PRKACB: variants seen among roughly 807,000 people sequenced by gnomAD.
The protein encoded by PRKACB is protein kinase cAMP-activated catalytic subunit beta, also known as cAMP-dependent protein kinase catalytic subunit beta.
Under a neutral mutation model 51.4 loss-of-function variants are expected in PRKACB, and 16 were observed. The ratio of observed to expected loss-of-function variants is 0.31; its 90% confidence interval spans 0.21 to 0.47. The LOEUF (loss-of-function observed/expected upper bound fraction) is 0.47, where lower values mean the gene tolerates loss of function less well. PRKACB is among the 20% of genes least tolerant of loss of function. PRKACB has a pLI of 1.00. For synonymous variants in PRKACB, 147 were observed against 154.4 expected, an observed-to-expected ratio of 0.95 and a Z score of 0.35; for missense variants, 309 against 464.5, an observed-to-expected ratio of 0.67 and a Z score of 3.08.
chr1:84,141,324 G>C (rs958387478), upstream of PRKACB, among the ~76,000 whole-genome samples: 1 of 151,992 alleles, frequency 6.6e-6, no homozygotes, highest in African/African-American at 2.4e-5. Flanking sequence ...AGTTATGAAG[G>C]AATTCATAGT....
intron 1 of PRKACB, among the ~76,000 whole-genome samples, chr1:84,160,339 G>A (rs1056414162): frequency 1.3e-5 from 2 of 151,536 alleles, no homozygotes; most frequent in Non-Finnish European, 2.9e-5. Context: ...TTGGGATAAG[G>A]TTGTTTATAG....
chr1:84,138,516 T>G (rs1195348866), intron 1 of PRKACB, among the ~76,000 whole-genome samples: 1 of 152,184 alleles, frequency 6.6e-6, no homozygotes, highest in Non-Finnish European at 1.5e-5. Context: ...AGACATTGTA[T>G]TAGTATTTGT....
At chr1:84,213,039 T>C (rs1672360930) in intron 8 of PRKACB, among the ~76,000 whole-genome samples, 1 of 152,132 alleles carries the variant, frequency 6.6e-6, no homozygotes, top group African/African-American at 2.4e-5. Context: ...GTAGCACTTG[T>C]AGAGAAACAA....
intron 9 of PRKACB, among the ~76,000 whole-genome samples, chr1:84,231,555 C>T (rs1310770048): frequency 6.6e-6 from 1 of 152,142 alleles, no homozygotes; most frequent in African/African-American, 2.4e-5. Flanking sequence ...TGGTCCTGGA[C>T]TCTTTTTGGT....
At chr1:84,212,829 T>G in intron 8 of PRKACB, among the ~76,000 whole-genome samples, 1 of 152,264 alleles carries the variant, frequency 6.6e-6, no homozygotes, top group Middle Eastern at 3.4e-3. Flanking sequence ...ATGGATGAAC[T>G]ACAGTATTTG....
intron 1 of PRKACB, among the ~76,000 whole-genome samples, chr1:84,097,102 A>G (rs1211898315): frequency 6.6e-6 from 1 of 152,058 alleles, no homozygotes; most frequent in East Asian, 1.9e-4. Context: ...ATAGTGTTCC[A>G]TGGTGTGAAT....
intron 1 of PRKACB, among the ~76,000 whole-genome samples, chr1:84,097,689 A>G (rs1649030980): frequency 6.6e-6 from 1 of 152,038 alleles, no homozygotes; most frequent in South Asian, 2.1e-4. Context: ...GGGGAGAGAA[A>G]ATGGTTTAAG....
At chr1:84,231,835 C>A (rs559990848) in intron 9 of PRKACB, among the ~76,000 whole-genome samples, 3 of 151,958 alleles carry the variant, frequency 2.0e-5, no homozygotes, top group African/African-American at 4.8e-5. Context: ...GTCTTGCTAG[C>A]AGTCTATCAA....
At chr1:84,151,936 C>T (rs547064752) in intron 1 of PRKACB, among the ~76,000 whole-genome samples, 7 of 152,282 alleles carry the variant, frequency 4.6e-5, no homozygotes, top group African/African-American at 1.2e-4. Context: ...AATGTTCTTA[C>T]GGCATCTGGA....
chr1:84,182,491 C>T (rs1324035384), intron 3 of PRKACB, among the ~76,000 whole-genome samples, 163 bp downstream of exon 3: 4 of 151,730 alleles, frequency 2.6e-5, no homozygotes, highest in Non-Finnish European at 5.9e-5. Context: ...CTATATTATA[C>T]ATAGTTAGTA....
At chr1:84,202,897 C>A in intron 8 of PRKACB, 92 bp downstream of exon 8, 4 of 1,112,140 alleles carry the variant, frequency 3.6e-6, no homozygotes, top group South Asian at 2.5e-5. Context: ...AATTATTATT[C>A]TACATTGGGA....
chr1:84,147,030 G>A (rs1654192127), intron 1 of PRKACB, among the ~76,000 whole-genome samples: 1 of 151,954 alleles, frequency 6.6e-6, no homozygotes, highest in South Asian at 2.1e-4. Context: ...TCTCTTTCTA[G>A]CAAATTTATT....
chr1:84,092,686 T>A (rs1648577281), intron 1 of PRKACB, among the ~76,000 whole-genome samples: 1 of 152,166 alleles, frequency 6.6e-6, no homozygotes, highest in Non-Finnish European at 1.5e-5. Flanking sequence ...TTCAGATTGG[T>A]TGAACCTGTT....
intron 9 of PRKACB, among the ~76,000 whole-genome samples, chr1:84,229,698 T>C (rs1310268802): frequency 2.0e-5 from 3 of 150,512 alleles, no homozygotes; most frequent in Non-Finnish European, 3.0e-5. Context: ...GTGAGCATTT[T>C]TTCATGTGTT....
chr1:84,113,373 A>C (rs1650386183), intron 1 of PRKACB, among the ~76,000 whole-genome samples: 1 of 152,190 alleles, frequency 6.6e-6, no homozygotes, highest in African/African-American at 2.4e-5. Context: ...AAAAAAAGAC[A>C]TACTGGTGAG....
intron 1 of PRKACB, among the ~76,000 whole-genome samples, chr1:84,178,285 GAAC>G (rs1662036848): frequency 6.6e-6 from 1 of 151,836 alleles, no homozygotes; most frequent in South Asian, 2.1e-4. Context: ...CTAAAGATAT[GAAC>G]AACAATACAT....
chr1:84,127,125 C>T lies in PRKACB; in HGVS notation c.46+48754C>T, dbSNP rs371995710. Among the ~76,000 whole-genome samples the T allele has an allele frequency of 2.4e-4, 36 of 152,254 alleles. No individual in the cohort carries two copies. In the South Asian group the frequency reaches 6.6e-3, roughly 28 times the overall value. On this transcript the variant is annotated intron_variant, in intron 1 of 8. Coordinates refer to the PRKACB transcript ENST00000370688. ...TCTGTAAGTTCCTCTTTTCTTTGTA[C>T]TTCAGGTCTTGACAGCTGTGTATGT...
At chr1:84,120,601 A>G (rs554707562) in intron 1 of PRKACB, among the ~76,000 whole-genome samples, 16 of 152,234 alleles carry the variant, frequency 1.1e-4, no homozygotes, top group Non-Finnish European at 2.1e-4. Flanking sequence ...CATTTTAGGA[A>G]TTTCTTAACA....
intron 1 of PRKACB, among the ~76,000 whole-genome samples, chr1:84,099,964 C>T (rs373554532): frequency 5.9e-5 from 9 of 152,164 alleles, no homozygotes; most frequent in African/African-American, 2.2e-4. Flanking sequence ...AATTCATCCA[C>T]TGGGAGTAAT....
Sources: allele counts gnomAD v4.1 joint callset (sites outside exome capture counted in the v4.1 genomes callset), GRCh38; gene constraint gnomAD v4.1.1; transcripts MANE v1.5; gene names NCBI Gene and HGNC (gene_info 2026-07-23, HGNC 2026-07-21).